PLPPR5: variants seen among roughly 807,000 people sequenced by gnomAD.
The protein encoded by PLPPR5 is phospholipid phosphatase-related protein type 5.
PLPPR5 carries 16 observed loss-of-function variants against 33.9 expected under a neutral mutation model. The ratio of observed to expected loss-of-function variants is 0.47; its 90% CI spans 0.32 to 0.72. The LOEUF is 0.72. Among genes scored for constraint, PLPPR5 ranks in the 30% least tolerant of loss-of-function variants. The pLI is 0.03. For synonymous variants in PLPPR5, 163 were observed against 150.3 expected, an observed-to-expected ratio of 1.08 and a Z score of -0.62; for missense variants, 301 against 406.7, an observed-to-expected ratio of 0.74 and a Z score of 2.23.
Position 98,941,226 on chromosome 1 carries a change from C to G in PLPPR5, c.621+11844G>C, listed in dbSNP as rs140441849. Among the ~76,000 whole-genome samples the G allele has an allele frequency of 2.6e-5, 4 of 151,638 alleles. 1 individual carries two copies. Among genetic ancestry groups the G allele is most frequent in the Non-Finnish European group, 5.9e-5 (4 of 67,882 alleles). On this transcript the variant is annotated intron_variant, in intron 3 of 5. Coordinates refer to ENST00000263177, the MANE Select transcript of PLPPR5 (RefSeq NM_001037317.2). ...ATGAAGCACTTAATGAGAAGAAAAGCAAATTTGAAGAATATAATGTTTCCA... is the reference window on the plus strand; with the variant it reads ...ATGAAGCACTTAATGAGAAGAAAAGGAAATTTGAAGAATATAATGTTTCCA...
chr1:98,954,406 G>T (rs12760602), intron 2 of PLPPR5, among the ~76,000 whole-genome samples: 18,220 of 152,014 alleles, frequency 0.12, 1,249 homozygotes, highest in East Asian at 0.22. Flanking sequence ...ACAATAGTTA[G>T]ATGTTTTTCT....
chr1:98,910,331 TG>T (rs1181560068), intron 5 of PLPPR5, among the ~76,000 whole-genome samples: 2 of 152,154 alleles, frequency 1.3e-5, no homozygotes, highest in Non-Finnish European at 2.9e-5. Flanking sequence ...TGCATTTACT[TG>T]TTTACTAGTA....
intron 1 of PLPPR5, among the ~76,000 whole-genome samples, chr1:98,974,107 A>G (rs1424270733): frequency 2.0e-5 from 3 of 151,986 alleles, no homozygotes; most frequent in Non-Finnish European, 4.4e-5. Flanking sequence ...TCCAAAGTCC[A>G]TTTTTAGATC....
intron 3 of PLPPR5, among the ~76,000 whole-genome samples, chr1:98,931,704 G>T (rs914325684): frequency 1.3e-5 from 2 of 152,118 alleles, no homozygotes; most frequent in African/African-American, 4.8e-5. Context: ...CGGGACGGGG[G>T]TGAGTACAGA....
At chr1:98,961,218 C>T (rs1223087571) in intron 1 of PLPPR5, among the ~76,000 whole-genome samples, 1 of 152,200 alleles carries the variant, frequency 6.6e-6, no homozygotes, top group Non-Finnish European at 1.5e-5. Flanking sequence ...CTTCTAATCT[C>T]ACTTGATAAT....
At chr1:98,983,658 G>A (rs1284010393) in intron 1 of PLPPR5, among the ~76,000 whole-genome samples, 4 of 151,116 alleles carry the variant, frequency 2.6e-5, no homozygotes, top group African/African-American at 9.7e-5. Context: ...CTGAGGAATC[G>A]CCACACTGAC....
intron 5 of PLPPR5, among the ~76,000 whole-genome samples, chr1:98,912,797 A>G (rs1486442332): frequency 6.6e-6 from 1 of 152,232 alleles, no homozygotes; most frequent in African/African-American, 2.4e-5. Flanking sequence ...TGTAGAGCAC[A>G]GAAGTATTTT....
intron 1 of PLPPR5, among the ~76,000 whole-genome samples, chr1:98,996,754 A>C (rs1652648597): frequency 6.6e-6 from 1 of 152,092 alleles, no homozygotes; most frequent in Non-Finnish European, 1.5e-5. Context: ...ATAAACTTTT[A>C]TCTTTAAACA....
At chr1:98,995,512 T>C (rs1335523104) in intron 1 of PLPPR5, among the ~76,000 whole-genome samples, 1 of 152,112 alleles carries the variant, frequency 6.6e-6, no homozygotes, top group African/African-American at 2.4e-5. Context: ...TAAAATAGCT[T>C]GGAGATACTT....
intron 3 of PLPPR5, among the ~76,000 whole-genome samples, chr1:98,948,937 T>C (rs1255587464): frequency 6.6e-6 from 1 of 152,194 alleles, no homozygotes; most frequent in East Asian, 1.9e-4. Context: ...TAAATGTAAC[T>C]GACCCTTTTT....
chr1:98,967,554 A>C (rs1198922201), intron 1 of PLPPR5, among the ~76,000 whole-genome samples: 1 of 152,160 alleles, frequency 6.6e-6, no homozygotes, highest in Non-Finnish European at 1.5e-5. Context: ...TTTTGAAACA[A>C]TCTGGCAGAA....
rs59686592 is a variant in PLPPR5, at chr1:99,003,056, CATATATATATATATATATAT to C, written c.237+1359_237+1378del. ...TAACACATTTTAGCAACTTATTTTA[CATATATATATATATATATAT>C]ATATATATATATATATATATGTAAA... On this transcript the variant is annotated intron_variant, in intron 1 of 5. Coordinates refer to ENST00000263177, the MANE Select transcript of PLPPR5 (RefSeq NM_001037317.2). Among the ~76,000 whole-genome samples, 201 of 81,120 alleles carry C rather than the reference CATATATATATATATATATAT, an allele frequency of 2.5e-3. 2 individuals carry two copies. Among genetic ancestry groups the C allele is most frequent in the Middle Eastern group, 0.011 (1 of 92 alleles). 53.2% of individuals were successfully genotyped at this position (81,120 alleles called of 152,430 possible).
chr1:98,944,827 CAT>C (rs1650497140), intron 3 of PLPPR5, among the ~76,000 whole-genome samples: 3 of 152,158 alleles, frequency 2.0e-5, no homozygotes, highest in Admixed American at 2.0e-4. Context: ...GGTGGGAAAA[CAT>C]AGAGTCTGGA....
At chr1:98,901,177 A>G (rs1381308768) in intron 5 of PLPPR5, among the ~76,000 whole-genome samples, 2 of 152,166 alleles carry the variant, frequency 1.3e-5, no homozygotes, top group Non-Finnish European at 2.9e-5. Context: ...CTACAGATGC[A>G]TGTAACAAAT....
intron 4 of PLPPR5, among the ~76,000 whole-genome samples, chr1:98,915,575 T>C (rs1649314146): frequency 6.6e-6 from 1 of 150,638 alleles, no homozygotes; most frequent in Non-Finnish European, 1.5e-5. Context: ...ATTTTAAAAA[T>C]AAAAAATAAA....
At chr1:98,977,844 A>G (rs191787960) in intron 1 of PLPPR5, among the ~76,000 whole-genome samples, 26 of 152,006 alleles carry the variant, frequency 1.7e-4, no homozygotes, top group African/African-American at 5.8e-4. Context: ...ACTATAGTAA[A>G]TGGCGCTTTA....
chr1:98,987,554 C>T (rs1035844474), intron 1 of PLPPR5, among the ~76,000 whole-genome samples: 2 of 151,816 alleles, frequency 1.3e-5, no homozygotes, highest in African/African-American at 2.4e-5. Context: ...CAGTTAATTG[C>T]TTTATTCTAA....
rs1031507735 is a variant in PLPPR5, at chr1:99,002,030, A to G, written c.237+2405T>C. Among the ~76,000 whole-genome samples the G allele has an allele frequency of 2.6e-5, 4 of 152,102 alleles. No homozygotes were observed. In the South Asian group the frequency reaches 8.3e-4, roughly 32 times the overall value. ...ATGGAAGAAAGTAGTAACTCAACAA[A>G]TGATGGGTACTGTTAATATTATTAT... is the stretch of plus-strand genomic sequence containing the variant. On this transcript the variant is annotated intron_variant, in intron 1 of 5. Coordinates refer to ENST00000263177, the MANE Select transcript of PLPPR5 (RefSeq NM_001037317.2).
At chr1:98,977,769 G>A (rs2100749443) in intron 1 of PLPPR5, among the ~76,000 whole-genome samples, 1 of 151,674 alleles carries the variant, frequency 6.6e-6, no homozygotes, top group Non-Finnish European at 1.5e-5. Flanking sequence ...TTCTGGTAGA[G>A]AACTAGCCTC....
Sources: allele counts gnomAD v4.1 joint callset (sites outside exome capture counted in the v4.1 genomes callset), GRCh38; gene constraint gnomAD v4.1.1; transcripts MANE v1.5; gene names NCBI Gene and HGNC (gene_info 2026-07-23, HGNC 2026-07-21).